TMTC3: variants seen among roughly 807,000 people sequenced by gnomAD.
TMTC3 encodes the protein protein O-mannosyl-transferase TMTC3.
In TMTC3, 52 loss-of-function variants were observed where a neutral mutation model predicts 92.2. The observed-to-expected ratio is 0.56, with a 90% confidence interval of 0.45 to 0.71. TMTC3 has a LOEUF of 0.71. Ranked by LOEUF, TMTC3 falls within the 30% of genes least tolerant of loss-of-function variation. TMTC3 has a pLI of 0.00. For missense variants in TMTC3, 896 were observed against 1,057.1 expected (o/e 0.85, Z 2.11); for synonymous variants, 339 against 363.3 (o/e 0.93, Z 0.76).
chr12:88,193,137 CTT>C (rs777470086), intron 13 of TMTC3, among the ~76,000 whole-genome samples: 3 of 151,964 alleles, frequency 2.0e-5, no homozygotes, highest in Admixed American at 6.6e-5. Context: ...CATAATGTAA[CTT>C]ATATATAAAC....
intron 10 of TMTC3, among the ~76,000 whole-genome samples, chr12:88,179,979 G>A (rs2041299217): frequency 6.6e-6 from 1 of 152,152 alleles, no homozygotes; most frequent in Non-Finnish European, 1.5e-5. Flanking sequence ...ATTCTCTTCT[G>A]AAGCTTTTGC....
At chr12:88,146,937 T>C (rs1460743844) in intron 1 of TMTC3, among the ~76,000 whole-genome samples, 1 of 150,304 alleles carries the variant, frequency 6.7e-6, no homozygotes, top group Non-Finnish European at 1.5e-5. Context: ...TATTATTGTA[T>C]ATTTTAAAAT....
intron 10 of TMTC3, among the ~76,000 whole-genome samples, chr12:88,188,063 AAAATTAAC>A (rs1452045080): frequency 6.6e-6 from 1 of 152,182 alleles, no homozygotes. Flanking sequence ...CTGACATTCT[AAAATTAAC>A]ACAACCTTTT....
chr12:88,191,483 G>A lies in TMTC3; in HGVS notation c.1706+861G>A, dbSNP rs377521626. Reference sequence around the variant, plus strand: ...ACTATAGGAAAGAGTAGTATTATAAGAACAACTCTCATATCACTACTTAAA... The same window carrying A: ...ACTATAGGAAAGAGTAGTATTATAAAAACAACTCTCATATCACTACTTAAA... On this transcript the variant is annotated intron_variant, in intron 12 of 13. Coordinates refer to ENST00000266712, the MANE Select transcript of TMTC3 (RefSeq NM_181783.4). Among the ~76,000 whole-genome samples, 22 of 152,192 alleles carry A rather than the reference G, an allele frequency of 1.4e-4. No homozygotes were observed. In the East Asian group the frequency reaches 3.9e-3, roughly 27 times the overall value.
chr12:88,150,287 T>C (rs1472366157), intron 2 of TMTC3, among the ~76,000 whole-genome samples: 2 of 152,150 alleles, frequency 1.3e-5, no homozygotes, highest in Non-Finnish European at 2.9e-5. Context: ...GCCAGCTCTC[T>C]CAAGAACTCA....
intron 10 of TMTC3, among the ~76,000 whole-genome samples, chr12:88,176,988 T>C (rs900758333): frequency 6.6e-6 from 1 of 152,008 alleles, no homozygotes; most frequent in African/African-American, 2.4e-5. Context: ...GTGCTGGGTA[T>C]GTGGTCAAGA....
At position 88,152,441 on chromosome 12, in the gene TMTC3, C is replaced by T. The variant is rs138168466; in HGVS notation, c.190-850C>T. ...CCACCAGGCCCAACCTTCAACATTT[C>T]AACCTCCTCATATTTCAGCATGAGA... On this transcript the variant is annotated intron_variant, in intron 2 of 13. Coordinates refer to ENST00000266712, the MANE Select transcript of TMTC3 (RefSeq NM_181783.4). Among the ~76,000 whole-genome samples, 10 of 152,284 alleles carry T rather than the reference C, an allele frequency of 6.6e-5. No homozygotes were observed. The East Asian group carries it at 1.5e-3, about 23-fold the overall frequency.
At chr12:88,189,316 A>G (rs1034681622) in intron 11 of TMTC3, among the ~76,000 whole-genome samples, 1 of 151,652 alleles carries the variant, frequency 6.6e-6, no homozygotes, top group Non-Finnish European at 1.5e-5. Context: ...CTGGTCTCGA[A>G]CTCCAGACCT....
rs371324002 is a variant in TMTC3 at position 88,160,865 on chromosome 12, G to A, written c.797+14G>A. On this transcript the variant is annotated intron_variant, in intron 6 of 13. Transcript: ENST00000266712. ...AGTATTCACCAGGTATGAAATTCTGGTTCTTTGTTTTCTCCATTCTTTTTT... is the reference window on the plus strand; with the variant it reads ...AGTATTCACCAGGTATGAAATTCTGATTCTTTGTTTTCTCCATTCTTTTTT... 33 of 1,560,376 alleles carry A rather than the reference G, an allele frequency of 2.1e-5. No individual in the cohort carries two copies. In the African/African-American group the frequency reaches 3.9e-4, roughly 18 times the overall value.
intron 4 of TMTC3, among the ~76,000 whole-genome samples, chr12:88,156,562 T>A (rs1280437666): frequency 6.6e-6 from 1 of 152,144 alleles, no homozygotes; most frequent in Non-Finnish European, 1.5e-5. Context: ...ATCTACCTCT[T>A]ACCCCATCAA....
At chr12:88,151,014 G>A (rs1022134128) in intron 2 of TMTC3, among the ~76,000 whole-genome samples, 8 of 152,096 alleles carry the variant, frequency 5.3e-5, no homozygotes, top group African/African-American at 1.4e-4. Flanking sequence ...CCTGACTGCC[G>A]TATTAGAATT....
At chr12:88,157,328 G>C (rs190095363) in intron 4 of TMTC3, among the ~76,000 whole-genome samples, 70 of 151,074 alleles carry the variant, frequency 4.6e-4, no homozygotes, top group African/African-American at 1.7e-3. Context: ...ATTGTATCTA[G>C]TATACACTGG....
rs938293694 is a variant in TMTC3, at chr12:88,198,450, C to T, written c.*2801C>T. 1.3e-5 allele frequency: 5 copies of T among 397,990 alleles called. No individual in the cohort carries two copies. Among genetic ancestry groups the T allele is most frequent in the African/African-American group, 8.2e-5 (4 of 48,604 alleles). 24.7% of individuals were successfully genotyped at this position (397,990 alleles called of 1,614,324 possible). A position where few individuals can be genotyped will look rare whatever the true frequency, so the allele number is the denominator to read the frequency against. On this transcript the variant is annotated 3_prime_UTR_variant, in exon 14 of 14. Transcript: ENST00000266712. ...AAGGGGCAGTGTTACCTTACTCCTT[C>T]ACTGCTTCTTAGAAGGTAGAATTAA...
chr12:88,189,880 T>A (rs1483632726), intron 11 of TMTC3, among the ~76,000 whole-genome samples: 1 of 152,010 alleles, frequency 6.6e-6, no homozygotes, highest in East Asian at 1.9e-4. Context: ...TAAAAACCAA[T>A]AACAAATACA....
intron 6 of TMTC3, among the ~76,000 whole-genome samples, chr12:88,164,694 T>C (rs1318888496): frequency 6.6e-6 from 1 of 152,210 alleles, no homozygotes; most frequent in Non-Finnish European, 1.5e-5. Context: ...TTTTAAGTTA[T>C]TGCCATTACA....
At position 88,142,422 on chromosome 12, in the gene TMTC3, G is replaced by C. The variant is rs1437593189; in HGVS notation, c.-94G>C. 6.6e-6 allele frequency: 1 copy of C among 152,502 alleles called. No individual in the cohort carries two copies. Among genetic ancestry groups the C allele is most frequent in the East Asian group, 1.9e-4 (1 of 5,174 alleles). 9.4% of individuals were successfully genotyped at this position (152,502 alleles called of 1,614,324 possible). ...GTAGACCATGACTGTGGTTTCAGTG[G>C]CGTCACTCGCTGGGCTGCTCTTCCT... is the stretch of plus-strand genomic sequence containing the variant. On this transcript the variant is annotated 5_prime_UTR_variant, in exon 1 of 14. Coordinates refer to ENST00000266712, the MANE Select transcript of TMTC3 (RefSeq NM_181783.4).
At chr12:88,179,721 G>A (rs144330979) in intron 10 of TMTC3, among the ~76,000 whole-genome samples, 21 of 152,104 alleles carry the variant, frequency 1.4e-4, no homozygotes, top group African/African-American at 5.1e-4. Context: ...TGCAGCCCCC[G>A]TAAGCAGGCC....
rs886755359 is a variant in TMTC3 at position 88,186,547 on chromosome 12, T to A, written c.1433-2296T>A. 2.0e-5 allele frequency among the ~76,000 whole-genome samples: 3 copies of A among 152,144 alleles called. No homozygotes were observed. In the East Asian group the frequency reaches 5.8e-4, roughly 29 times the overall value. On this transcript the variant is annotated intron_variant, in intron 10 of 13. Coordinates refer to ENST00000266712, the MANE Select transcript of TMTC3 (RefSeq NM_181783.4). ...TTTACCATTGAATTAAAAGCTAGAT[T>A]GTTAACTCATGCTGCTGTTGTTTTG...
In TMTC3 at chr12:88,172,582, T is replaced by A; in HGVS notation, c.1051-15T>A. 1 of 584,486 alleles carries A rather than the reference T, an allele frequency of 1.7e-6. No homozygotes were observed. The highest frequency in any genetic ancestry group is 2.4e-6 in the Non-Finnish European group (1 of 424,168). 36.2% of individuals were successfully genotyped at this position (584,486 alleles called of 1,614,324 possible). A position where few individuals can be genotyped will look rare whatever the true frequency, so the allele number is the denominator to read the frequency against. On this transcript the variant is annotated splice_polypyrimidine_tract_variant and intron_variant, in intron 7 of 13. Coordinates refer to ENST00000266712, the MANE Select transcript of TMTC3 (RefSeq NM_181783.4). ...ATTTATTATAAATTATTAAATCTTC[T>A]TTTTTTTTTTGTAGGCGCTTTGTTT...
Sources: gnomAD v4.1 joint callset for allele counts (sites outside exome capture counted in the v4.1 genomes callset) on GRCh38, gnomAD v4.1.1 for gene constraint, MANE v1.5 for transcripts, NCBI Gene and HGNC (gene_info 2026-07-23, HGNC 2026-07-21) for gene names.